PLA1A: variants seen among roughly 807,000 people sequenced by gnomAD.
PLA1A encodes the protein phosphatidylserine-specific phospholipase A1alpha.
In PLA1A, 47 loss-of-function variants were observed where a neutral mutation model predicts 49.4. That is an observed-to-expected ratio of 0.95 (90% confidence interval 0.75 to 1.21). The LOEUF (loss-of-function observed/expected upper bound fraction) is 1.21. PLA1A is among the 50% of genes most tolerant of loss of function. The probability of loss-of-function intolerance (pLI) is 0.00; values close to 1 mark genes in which losing one functional copy is unlikely to be tolerated. For synonymous variants in PLA1A, 224 were observed against 207.9 expected (o/e 1.08, Z -0.67); for missense variants, 561 against 563.9 (o/e 0.99, Z 0.05).
In PLA1A at chr3:119,604,725, A is replaced by C. The variant is rs181414351; in HGVS notation, c.74-2049A>C. Among the ~76,000 whole-genome samples the C allele has an allele frequency of 2.0e-5, 3 of 152,338 alleles. No homozygotes were observed. The East Asian group carries it at 5.8e-4, about 29-fold the overall frequency. On this transcript the variant is annotated intron_variant, in intron 1 of 10. Transcript: ENST00000273371. ...TTTATATTCTTTTACCTGAATATAA[A>C]AAATTTTTAAAAATCTTGAACAAGC... is the stretch of plus-strand genomic sequence containing the variant.
At chr3:119,610,072 G>A (rs372855741) in intron 4 of PLA1A, among the ~76,000 whole-genome samples, 1 of 152,248 alleles carries the variant, frequency 6.6e-6, no homozygotes, top group East Asian at 1.9e-4. Context: ...GAAAACATGC[G>A]GTATTTGGTT....
chr3:119,612,134 T>C (rs767908491), intron 4 of PLA1A, among the ~76,000 whole-genome samples: 14 of 152,174 alleles, frequency 9.2e-5, no homozygotes, highest in African/African-American at 2.4e-4. Context: ...AGGTGCCCCA[T>C]TGGGGTGAGA....
At chr3:119,599,852 G>A (rs953743757) in intron 1 of PLA1A, among the ~76,000 whole-genome samples, 1 of 152,114 alleles carries the variant, frequency 6.6e-6, no homozygotes, top group East Asian at 1.9e-4. Flanking sequence ...CACCTTAACT[G>A]AGTGTTTCAC....
At chr3:119,627,902 C>T (rs1292295627) in intron 9 of PLA1A, among the ~76,000 whole-genome samples, 3 of 152,194 alleles carry the variant, frequency 2.0e-5, no homozygotes, top group South Asian at 2.1e-4. Context: ...TAGGGGGTAC[C>T]ACAGCCCTTT....
Position 119,628,796 on chromosome 3 carries a change from G to A in PLA1A, c.1217G>A (p.Arg406Gln), listed in dbSNP as rs769912624. Residue 406 changes from arginine (R) to glutamine (Q), a missense_variant, in exon 10 of 11, where the codon CGA becomes CAA. Physicochemically the swap from Arg to Gln is conservative, Grantham distance 43 (BLOSUM62 1). Coordinates refer to ENST00000273371, the MANE Select transcript of PLA1A (RefSeq NM_015900.4). ...QVKFKFQSSN[R>Q]VWKKDRTTII... ...AAATTCAAGTTTCAGTCTTCCAACC[G>A]AGTTTGGAAAAAAGACCGGACTACC... 6 of 1,613,664 alleles carry A rather than the reference G, an allele frequency of 3.7e-6. No individual in the cohort carries two copies. The highest frequency in any genetic ancestry group is 2.2e-5 in the East Asian group (1 of 44,878).
intron 4 of PLA1A, among the ~76,000 whole-genome samples, chr3:119,610,745 C>T (rs1235807082): frequency 6.6e-6 from 1 of 152,082 alleles, no homozygotes; most frequent in Non-Finnish European, 1.5e-5. Flanking sequence ...TGAATATTTT[C>T]CCCCATTCTG....
At position 119,629,458 on chromosome 3, in the gene PLA1A, C is replaced by T. The variant is rs754884009; in HGVS notation, c.1361C>T (p.Ala454Val). The T allele has an allele frequency of 1.3e-6, 2 of 1,594,946 alleles. No homozygotes were observed. Among genetic ancestry groups the T allele is most frequent in the Non-Finnish European group, 1.7e-6 (2 of 1,163,822 alleles). The change falls in exon 11 of 11, where the codon GCC (alanine) becomes GTC (valine). Residue 454 changes from alanine to valine, a missense_variant. Coordinates refer to ENST00000273371, the MANE Select transcript of PLA1A (RefSeq NM_015900.4). ...ACTGTTTCCTGTGACCTGAAGATAG[C>T]CTGTGTGTAGTTTAACCTGGGCAGG... ...SVTVSCDLKIACV is the reference protein window; with the variant it reads ...SVTVSCDLKIVCV
At chr3:119,627,349 T>G (rs1432020512) in intron 9 of PLA1A, among the ~76,000 whole-genome samples, 1 of 152,208 alleles carries the variant, frequency 6.6e-6, no homozygotes, top group Non-Finnish European at 1.5e-5. Flanking sequence ...ACCACTCACT[T>G]AAAAGATTTT....
Position 119,625,188 on chromosome 3 carries a change from T to A in PLA1A, c.1077T>A (p.Val359=). The A allele has an allele frequency of 6.2e-7, 1 of 1,613,742 alleles. No homozygotes were observed. Among genetic ancestry groups the A allele is most frequent in the South Asian group, 1.1e-5 (1 of 91,070 alleles). The change falls in exon 9 of 11, where the codon GTT becomes GTA. Residue 359 remains valine, a synonymous_variant. Transcript: ENST00000273371. ...GAAACAAGGACACCAACATCGAGGT[T>A]ACCTTCCTTAGCAGTAACATCACCT... is the stretch of plus-strand genomic sequence containing the variant. ...ELRNKDTNIE[V]TFLSSNITSS...
chr3:119,617,825 T>C (rs911917409), intron 6 of PLA1A, among the ~76,000 whole-genome samples, 194 bp from the exon 7 acceptor site: 1 of 152,142 alleles, frequency 6.6e-6, no homozygotes, highest in Non-Finnish European at 1.5e-5. Context: ...TGCTTATGTA[T>C]CTCAGGAAAA....
intron 3 of PLA1A, 61 bp from the exon 4 acceptor site, chr3:119,609,407 G>C: frequency 3.9e-6 from 4 of 1,029,184 alleles, no homozygotes; most frequent in Non-Finnish European, 4.6e-6. Flanking sequence ...GGGAAAGCCT[G>C]CCACTGTGAA....
At chr3:119,622,164 A>G (rs56124183) in intron 8 of PLA1A, among the ~76,000 whole-genome samples, 77 of 92,664 alleles carry the variant, frequency 8.3e-4, no homozygotes, top group East Asian at 3.4e-3. Flanking sequence ...AAGAAGAAGA[A>G]GAAGAAGAAG....
At chr3:119,621,540 T>C (rs1227155408) in intron 8 of PLA1A, among the ~76,000 whole-genome samples, 1 of 152,276 alleles carries the variant, frequency 6.6e-6, no homozygotes, top group Non-Finnish European at 1.5e-5. Flanking sequence ...TTCAGCAATG[T>C]TGACCTGTGC....
chr3:119,604,908 A>G (rs554447868), intron 1 of PLA1A, among the ~76,000 whole-genome samples: 1 of 152,170 alleles, frequency 6.6e-6, no homozygotes, highest in African/African-American at 2.4e-5. Flanking sequence ...AATTTTTGTT[A>G]TTGATTTCTA....
At chr3:119,615,920 A>T (rs2082841224) in intron 5 of PLA1A, 92 bp from the exon 6 acceptor site, 1 of 742,436 alleles carries the variant, frequency 1.3e-6, no homozygotes, top group Non-Finnish European at 2.5e-6. Context: ...GACGTGGCAG[A>T]GAGTGGGTGG....
chr3:119,627,895 G>C (rs1427075744), intron 9 of PLA1A, among the ~76,000 whole-genome samples: 4 of 152,170 alleles, frequency 2.6e-5, no homozygotes, highest in East Asian at 3.9e-4. Flanking sequence ...TAGTACCTAG[G>C]GGGTACCACA....
chr3:119,606,484 C>T (rs1159795173), intron 1 of PLA1A, among the ~76,000 whole-genome samples: 4 of 152,196 alleles, frequency 2.6e-5, no homozygotes, highest in Non-Finnish European at 4.4e-5. Context: ...GGGGATGAGA[C>T]TCAGTTCAGC....
intron 5 of PLA1A, among the ~76,000 whole-genome samples, 164 bp from the exon 6 acceptor site, chr3:119,615,846 GAA>G (rs1491236795): frequency 6.6e-6 from 1 of 151,412 alleles, no homozygotes; most frequent in African/African-American, 2.4e-5. Context: ...AAAAAGAAAA[GAA>G]AAGAAAAGAA....
chr3:119,623,320 G>A (rs1560087649), intron 8 of PLA1A, among the ~76,000 whole-genome samples: 1 of 151,326 alleles, frequency 6.6e-6, no homozygotes, highest in Non-Finnish European at 1.5e-5. Flanking sequence ...TTTTGTTTTT[G>A]TTTTTTTGTA....
Sources: gnomAD v4.1 joint callset for allele counts (sites outside exome capture counted in the v4.1 genomes callset) on GRCh38, gnomAD v4.1.1 for gene constraint, MANE v1.5 for transcripts, NCBI Gene and HGNC (gene_info 2026-07-23, HGNC 2026-07-21) for gene names.